MYO16: variants seen among roughly 807,000 people sequenced by gnomAD.
The protein encoded by MYO16 is myosin XVI, also known as unconventional myosin-XVI.
Under a neutral mutation model 205.3 loss-of-function variants are expected in MYO16, and 94 were observed. The observed-to-expected ratio is 0.46, with a 90% CI of 0.39 to 0.54. MYO16 has a LOEUF of 0.54. Among genes scored for constraint, MYO16 ranks in the 20% least tolerant of loss-of-function variants. The probability of loss-of-function intolerance (pLI) is 0.00; values close to 1 mark genes in which losing one functional copy is unlikely to be tolerated. For missense variants in MYO16, 2,315 were observed against 2,387.5 expected (o/e 0.97, Z 0.63); for synonymous variants, 988 against 954.0 (o/e 1.04, Z -0.66).
chr13:109,204,876 A>C (rs1880536305), intron 34 of MYO16, among the ~76,000 whole-genome samples: 1 of 152,104 alleles, frequency 6.6e-6, no homozygotes, highest in Non-Finnish European at 1.5e-5. Flanking sequence ...TGCTTACGAA[A>C]GCACCTAGCA....
At chr13:109,051,748 G>A (rs1391220432) in intron 24 of MYO16, among the ~76,000 whole-genome samples, 2 of 152,080 alleles carry the variant, frequency 1.3e-5, no homozygotes, top group South Asian at 4.1e-4. Flanking sequence ...CAGCTTAACT[G>A]TGTTTTTTGT....
chr13:108,583,100 A>T, the MYO16 span, among the ~76,000 whole-genome samples: 1 of 152,234 alleles, frequency 6.6e-6, no homozygotes, highest in African/African-American at 2.4e-5. Flanking sequence ...ATAAAATTAC[A>T]TCGTGTGCAT....
Position 108,709,983 on chromosome 13 carries a change from G to A in MYO16, c.293-2678G>A, listed in dbSNP as rs375338424. ...GCCCTTTTCTCACTAGGATGATGCCGGGCTGGATGGAGGAAGAAGCCTTTC... is the reference window on the plus strand; with the variant it reads ...GCCCTTTTCTCACTAGGATGATGCCAGGCTGGATGGAGGAAGAAGCCTTTC... On this transcript the variant is annotated intron_variant, in intron 2 of 34. Transcript: ENST00000457511. Among the ~76,000 whole-genome samples, 20 of 98,748 alleles carry A rather than the reference G, an allele frequency of 2.0e-4. 5 individuals carry two copies. The East Asian group carries it at 2.0e-3, about 10-fold the overall frequency. 64.8% of individuals were successfully genotyped at this position (98,748 alleles called of 152,430 possible).
chr13:108,566,704 A>G, the MYO16 span, among the ~76,000 whole-genome samples: 3 of 149,170 alleles, frequency 2.0e-5, no homozygotes, highest in African/African-American at 5.0e-5. Flanking sequence ...AGAGAGAGAG[A>G]GAAAGGAAAG....
At chr13:108,747,664 C>G (rs891023454) in intron 4 of MYO16, among the ~76,000 whole-genome samples, 4 of 152,088 alleles carry the variant, frequency 2.6e-5, no homozygotes, top group African/African-American at 2.4e-5. Context: ...TACAAACACA[C>G]AGATTAACAC....
the MYO16 span, among the ~76,000 whole-genome samples, chr13:108,566,739 A>C: frequency 2.6e-4 from 2 of 7,782 alleles, no homozygotes; most frequent in Non-Finnish European, 8.1e-4. Context: ...GGAAGGGAGG[A>C]AGGAAGGAAG....
At chr13:108,867,822 G>C (rs1005096536) in intron 12 of MYO16, among the ~76,000 whole-genome samples, 1 of 152,248 alleles carries the variant, frequency 6.6e-6, no homozygotes, top group African/African-American at 2.4e-5. Flanking sequence ...TGTGTCAAAC[G>C]TGACATACCT....
At chr13:108,586,141 A>AAC in the MYO16 span, among the ~76,000 whole-genome samples, 2 of 151,984 alleles carry the variant, frequency 1.3e-5, no homozygotes, top group African/African-American at 2.4e-5. Context: ...ATTTACACAT[A>AAC]ACACACACAC....
chr13:109,008,869 A>G (rs1566458384), intron 21 of MYO16, 28 bp from the exon 22 acceptor site: 4 of 1,605,974 alleles, frequency 2.5e-6, no homozygotes, highest in Non-Finnish European at 2.6e-6. Context: ...CTATCTGGTG[A>G]AATGTTTTCT....
At chr13:108,642,474 G>A (rs921616958) in intron 1 of MYO16, among the ~76,000 whole-genome samples, 6 of 152,078 alleles carry the variant, frequency 3.9e-5, no homozygotes, top group East Asian at 1.9e-4. Flanking sequence ...ATGAAGTCTC[G>A]CTCTGTCACC....
At chr13:108,566,755 A>G in the MYO16 span, among the ~76,000 whole-genome samples, 30 of 137,348 alleles carry the variant, frequency 2.2e-4, no homozygotes, top group African/African-American at 7.1e-4. Flanking sequence ...GGAAGGAAGG[A>G]AGGAAGGAAG....
At chr13:108,843,417 C>CTATGTATATCATATAAG (rs1877347615) in intron 9 of MYO16, among the ~76,000 whole-genome samples, 1 of 152,054 alleles carries the variant, frequency 6.6e-6, no homozygotes, top group South Asian at 2.1e-4. Context: ...GCCTATGCAA[C>CTATGTATATCATATAAG]TATGTATATC....
At position 108,948,366 on chromosome 13, in the gene MYO16, C is replaced by A. The variant is rs1883014019; in HGVS notation, c.1926-9322C>A. On this transcript the variant is annotated intron_variant, in intron 16 of 34. Transcript: ENST00000457511. Reference sequence around the variant, plus strand: ...AGCAACACATTGTGTTTGTACTCTGCGAGTCTCTGACTTGGTGAATGGACT... The same window carrying A: ...AGCAACACATTGTGTTTGTACTCTGAGAGTCTCTGACTTGGTGAATGGACT... Among the ~76,000 whole-genome samples the A allele has an allele frequency of 2.6e-5, 4 of 152,192 alleles. No homozygotes were observed. The South Asian group carries it at 8.3e-4, about 31-fold the overall frequency.
At chr13:108,929,644 CCTAGTGGGTGGAGTCAAATTCCAGAAT>C (rs1324536728) in intron 16 of MYO16, among the ~76,000 whole-genome samples, 1 of 152,088 alleles carries the variant, frequency 6.6e-6, no homozygotes, top group Non-Finnish European at 1.5e-5. Flanking sequence ...GATTCTGGAA[CCTAGTGGGTGGAGTCAAATTCCAGAAT>C]CTAGTGGGTG....
chr13:109,063,348 CTCTG>C (rs951252233), intron 27 of MYO16, among the ~76,000 whole-genome samples: 3 of 152,120 alleles, frequency 2.0e-5, no homozygotes, highest in African/African-American at 7.2e-5. Flanking sequence ...GACTTAAGGA[CTCTG>C]TCTTCAATGG....
chr13:108,614,375 A>G (rs969727216), intron 1 of MYO16, among the ~76,000 whole-genome samples: 1 of 152,076 alleles, frequency 6.6e-6, no homozygotes, highest in African/African-American at 2.4e-5. Context: ...AAGACATTAT[A>G]TTGGAAAGAT....
At chr13:109,168,267 T>C (rs1878773580) in intron 33 of MYO16, among the ~76,000 whole-genome samples, 1 of 152,120 alleles carries the variant, frequency 6.6e-6, no homozygotes, top group Non-Finnish European at 1.5e-5. Flanking sequence ...TGTAAACTTA[T>C]ATGAAAAATG....
At chr13:108,503,798 G>T in the MYO16 span, among the ~76,000 whole-genome samples, 1 of 152,082 alleles carries the variant, frequency 6.6e-6, no homozygotes, top group Admixed American at 6.5e-5. Flanking sequence ...AACATGAGGA[G>T]CTAGAATATA....
At chr13:108,497,931 C>T in the MYO16 span, among the ~76,000 whole-genome samples, 3 of 152,198 alleles carry the variant, frequency 2.0e-5, no homozygotes, top group South Asian at 6.2e-4. Context: ...ATTGCCTTCT[C>T]CTTGAGAAAT....
Sources: gnomAD v4.1 joint callset for allele counts (sites outside exome capture counted in the v4.1 genomes callset) on GRCh38, gnomAD v4.1.1 for gene constraint, MANE v1.5 for transcripts, NCBI Gene and HGNC (gene_info 2026-07-23, HGNC 2026-07-21) for gene names.